Variants in PPP2R2D observed in about 807,000 individuals in gnomAD.
PPP2R2D encodes the protein protein phosphatase 2 regulatory subunit Bdelta.
Under a neutral mutation model 31.1 loss-of-function variants are expected in PPP2R2D, and 9 were observed. The observed-to-expected ratio is 0.29, with a 90% confidence interval of 0.17 to 0.51. The LOEUF (loss-of-function observed/expected upper bound fraction) is 0.51. Among genes scored for constraint, PPP2R2D ranks in the 20% least tolerant of loss-of-function variants. PPP2R2D has a pLI of 0.98. For synonymous variants in PPP2R2D, 179 were observed against 172.6 expected (o/e 1.04, Z -0.29); for missense variants, 391 against 465.6 (o/e 0.84, Z 1.48).
At chr10:131,903,323 C>T (rs1428501256) in intron 2 of PPP2R2D, among the ~76,000 whole-genome samples, 1 of 151,892 alleles carries the variant, frequency 6.6e-6, no homozygotes, top group African/African-American at 2.4e-5. Flanking sequence ...AGAAGTTAGC[C>T]GGGCGTGGTG....
intron 8 of PPP2R2D, among the ~76,000 whole-genome samples, chr10:131,953,289 G>A (rs1325899997): frequency 3.9e-5 from 5 of 128,178 alleles, no homozygotes; most frequent in East Asian, 5.5e-4. Context: ...GCAGGTATGC[G>A]GGGGTTCACT....
At chr10:131,902,042 G>A (rs1322884287) in intron 2 of PPP2R2D, among the ~76,000 whole-genome samples, 2 of 151,864 alleles carry the variant, frequency 1.3e-5, no homozygotes, top group African/African-American at 4.8e-5. Flanking sequence ...AAAGTTTTAG[G>A]GTGGTGGGAG....
At chr10:131,924,125 G>A (rs1275230360) in intron 2 of PPP2R2D, among the ~76,000 whole-genome samples, 2 of 152,116 alleles carry the variant, frequency 1.3e-5, no homozygotes, top group East Asian at 3.8e-4. Context: ...TGTGTTTTCA[G>A]TCTCTTGATG....
chr10:131,963,518 C>T (rs1299071989), downstream of PPP2R2D, among the ~76,000 whole-genome samples: 2 of 152,206 alleles, frequency 1.3e-5, no homozygotes, highest in African/African-American at 2.4e-5. Context: ...CTGTGCATGC[C>T]GTGGGGCGCC....
chr10:131,916,528 A>G (rs918980062), intron 2 of PPP2R2D, among the ~76,000 whole-genome samples: 9 of 152,188 alleles, frequency 5.9e-5, no homozygotes, highest in Non-Finnish European at 1.2e-4. Context: ...CTATTAAACA[A>G]TAACTCCCCT....
intron 2 of PPP2R2D, among the ~76,000 whole-genome samples, chr10:131,920,138 G>GTT (rs66730657): frequency 7.3e-6 from 1 of 136,716 alleles, no homozygotes; most frequent in Non-Finnish European, 1.6e-5. Flanking sequence ...GAATTACACA[G>GTT]TGTAGGGACC....
intron 2 of PPP2R2D, among the ~76,000 whole-genome samples, chr10:131,923,403 T>C (rs577906151): frequency 3.3e-5 from 5 of 152,336 alleles, no homozygotes; most frequent in African/African-American, 1.2e-4. Context: ...CAAATGCACC[T>C]GTGGACATTC....
intron 2 of PPP2R2D, among the ~76,000 whole-genome samples, chr10:131,932,646 C>CA (rs368610703): frequency 0.18 from 10,340 of 57,714 alleles, 1,104 homozygotes; most frequent in Middle Eastern, 0.23. Flanking sequence ...CAGCCTGTCT[C>CA]AAAAAAAAAA....
At chr10:131,920,494 G>T (rs1465432644) in intron 2 of PPP2R2D, among the ~76,000 whole-genome samples, 1 of 152,272 alleles carries the variant, frequency 6.6e-6, no homozygotes, top group Non-Finnish European at 1.5e-5. Flanking sequence ...GTCCACTTGT[G>T]TCTGGCATAT....
chr10:131,931,254 G>A (rs1286072357), intron 2 of PPP2R2D, among the ~76,000 whole-genome samples: 3 of 152,220 alleles, frequency 2.0e-5, no homozygotes, highest in African/African-American at 7.2e-5. Flanking sequence ...GCCAAACCCT[G>A]GTACTGTAGC....
In PPP2R2D at chr10:131,955,762, C is replaced by A; in HGVS notation, c.1161C>A (p.Ala387=). The A allele has an allele frequency of 6.3e-7, 1 of 1,582,240 alleles. No homozygotes were observed. The highest frequency in any genetic ancestry group is 8.6e-7 in the Non-Finnish European group (1 of 1,160,794). Residue 387 remains alanine, a synonymous_variant, in exon 9 of 9, where the codon GCC becomes GCA. Coordinates refer to ENST00000455566, the MANE Select transcript of PPP2R2D (RefSeq NM_018461.5). Reference sequence around the variant, plus strand: ...CGCGGAGGGATGTGACCCTGGAGGCCTCGAGAGAGAGCAGCAAACCGCGCG... The same window carrying A: ...CGCGGAGGGATGTGACCCTGGAGGCATCGAGAGAGAGCAGCAAACCGCGCG... The part of the protein sequence containing the change: ...RDTRRDVTLE[A]SRESSKPRAS...
intron 2 of PPP2R2D, among the ~76,000 whole-genome samples, chr10:131,933,260 C>T (rs9419202): frequency 0.15 from 22,728 of 152,162 alleles, 1,891 homozygotes; most frequent in African/African-American, 0.21. Flanking sequence ...ACGATTAAAA[C>T]GCCTTTGCAG....
Position 131,956,255 on chromosome 10 carries a change from C to T in PPP2R2D, c.*292C>T, listed in dbSNP as rs2036795852. On this transcript the variant is annotated 3_prime_UTR_variant, in exon 9 of 9. Transcript: ENST00000455566. ...TGTATTTATTTCAGTCCGAGCCTTC[C>T]TTTCCAATTTATAGACCAAAAAATT... 5 of 1,104,228 alleles carry T rather than the reference C, an allele frequency of 4.5e-6. No homozygotes were observed. Among genetic ancestry groups the T allele is most frequent in the Non-Finnish European group, 4.4e-6 (4 of 907,202 alleles). The allele number at this position is 1,104,228 out of a possible 1,614,324, so 68.4% of individuals were successfully genotyped here.
downstream of PPP2R2D, among the ~76,000 whole-genome samples, chr10:131,960,667 C>T (rs985143477): frequency 2.0e-4 from 30 of 152,312 alleles, no homozygotes; most frequent in African/African-American, 6.3e-4. Context: ...CCGCCTGGCC[C>T]GGCTGCTCTG....
intron 2 of PPP2R2D, among the ~76,000 whole-genome samples, chr10:131,916,859 G>A (rs200780669): frequency 2.6e-5 from 4 of 151,194 alleles, no homozygotes; most frequent in South Asian, 2.1e-4. Flanking sequence ...CCTCAGGCGG[G>A]TGGAATGACA....
At chr10:131,944,645 G>A (rs947799253) in intron 6 of PPP2R2D, among the ~76,000 whole-genome samples, 3 of 152,174 alleles carry the variant, frequency 2.0e-5, no homozygotes, top group Non-Finnish European at 4.4e-5. Context: ...TGCTTCGTCT[G>A]CAGCCTCTCC....
At chr10:131,908,807 G>A in intron 2 of PPP2R2D, among the ~76,000 whole-genome samples, 1 of 152,328 alleles carries the variant, frequency 6.6e-6, no homozygotes, top group African/African-American at 2.4e-5. Context: ...TAGGAAAATA[G>A]CTGACTCTGT....
chr10:131,909,185 CA>C (rs2035644283), intron 2 of PPP2R2D, among the ~76,000 whole-genome samples: 1 of 152,220 alleles, frequency 6.6e-6, no homozygotes, highest in Admixed American at 6.5e-5. Context: ...TCTGAGAGGT[CA>C]GTGCTTGGCA....
At chr10:131,968,398 G>A in the PPP2R2D span, 18 of 753,160 alleles carry the variant, frequency 2.4e-5, 1 homozygote, top group African/African-American at 1.4e-4. Context: ...AATTAGGAAC[G>A]CAGCATTTAC....
Sources: allele counts gnomAD v4.1 joint callset (sites outside exome capture counted in the v4.1 genomes callset), GRCh38; gene constraint gnomAD v4.1.1; transcripts MANE v1.5; gene names NCBI Gene and HGNC (gene_info 2026-07-23, HGNC 2026-07-21).